The following CSE1L variants were observed in gnomAD, a reference collection of about 807,000 sequenced individuals.
The protein encoded by CSE1L is chromosome segregation 1 like.
In CSE1L, 24 loss-of-function variants were observed where a neutral mutation model predicts 120.4. The observed-to-expected ratio is 0.20, with a 90% CI of 0.14 to 0.28. The LOEUF is 0.28. Among genes scored for constraint, CSE1L ranks in the 10% least tolerant of loss-of-function variants. The probability of loss-of-function intolerance (pLI) is 1.00; values close to 1 mark genes in which losing one functional copy is unlikely to be tolerated. For synonymous variants in CSE1L, 402 were observed against 398.3 expected (o/e 1.01, Z -0.11); for missense variants, 830 against 1,145.2 (o/e 0.72, Z 3.97).
intron 2 of CSE1L, among the ~76,000 whole-genome samples, chr20:49,060,457 CAG>C (rs1262980025): frequency 7.0e-6 from 1 of 143,570 alleles, no homozygotes; most frequent in Admixed American, 7.2e-5. Flanking sequence ...AGCCTGGTGA[CAG>C]AGCAAGACTC....
At chr20:49,067,095 A>C (rs749656568) in intron 5 of CSE1L, 95 bp from the exon 6 acceptor site, 2 of 597,964 alleles carry the variant, frequency 3.3e-6, no homozygotes, top group Non-Finnish European at 5.9e-6. Context: ...AAACCCATCT[A>C]TTCATAGATG....
In CSE1L at chr20:49,072,307, T is replaced by C; in HGVS notation, c.790T>C (p.Leu264=). 4 of 1,614,156 alleles carry C rather than the reference T, an allele frequency of 2.5e-6. No individual in the cohort carries two copies. The highest frequency in any genetic ancestry group is 1.1e-5 in the South Asian group (1 of 91,080). ...QTDDEEEAGL[L]ELLKSQICDN... is the part of the protein sequence containing the mutation. ...TGAGGATGAAGAGGAAGCCGGCTTA[T>C]TGGAGCTCTTAAAATCCCAGATTTG... Residue 264 remains leucine, a synonymous_variant, in exon 9 of 25, where the codon TTG becomes CTG. Transcript: ENST00000262982.
At position 49,056,087 on chromosome 20, in the gene CSE1L, G is replaced by A. The variant is rs144541351; in HGVS notation, c.-11-2366G>A. On this transcript the variant is annotated intron_variant, in intron 1 of 24. Transcript: ENST00000262982. ...CTAAAAGCTGCCTAATGGAATCTAA[G>A]CATAAGTGGAGTTTTCTAAAATCGC... is the stretch of plus-strand genomic sequence containing the variant. 4.3e-3 allele frequency among the ~76,000 whole-genome samples: 647 copies of A among 151,016 alleles called. 2 individuals are homozygous for A. Among genetic ancestry groups the A allele is most frequent in the Non-Finnish European group, 7.0e-3 (476 of 67,848 alleles).
chr20:49,054,227 C>G (rs2123654042), intron 1 of CSE1L, among the ~76,000 whole-genome samples: 1 of 152,172 alleles, frequency 6.6e-6, no homozygotes, highest in East Asian at 1.9e-4. Flanking sequence ...CTGTGATAAA[C>G]ACATTTTCTA....
At position 49,096,351 on chromosome 20, in the gene CSE1L, T is replaced by A. The variant is rs553779502; in HGVS notation, c.2829T>A (p.Val943=). 117 of 1,613,388 alleles carry A rather than the reference T, an allele frequency of 7.3e-5. 3 individuals carry two copies. In the South Asian group the frequency reaches 1.2e-3, roughly 17 times the overall value. Residue 943 remains valine, a splice_region_variant and synonymous_variant, in exon 25 of 25, where the codon GTT becomes GTA. Transcript: ENST00000262982. ...TGTGTGTTTCCCATCTCTTGTAGGTTCCATCAATGGTGAGCACCAGCCTGA... is the reference window on the plus strand; with the variant it reads ...TGTGTGTTTCCCATCTCTTGTAGGTACCATCAATGGTGAGCACCAGCCTGA... ...HKLSTACPGR[V]PSMVSTSLNA... is the part of the protein sequence containing the mutation.
intron 1 of CSE1L, among the ~76,000 whole-genome samples, chr20:49,056,973 C>T (rs1339132541): frequency 6.6e-6 from 1 of 151,794 alleles, no homozygotes; most frequent in African/African-American, 2.4e-5. Context: ...ATCTCTTGAA[C>T]TGTGTATTTC....
intron 1 of CSE1L, among the ~76,000 whole-genome samples, chr20:49,056,621 C>T (rs1010755334): frequency 1.3e-5 from 2 of 152,064 alleles, no homozygotes; most frequent in East Asian, 3.9e-4. Context: ...TGATAAGATT[C>T]CCAGGATTTG....
chr20:49,063,025 A>T (rs2091863648), intron 2 of CSE1L, among the ~76,000 whole-genome samples, 177 bp from the exon 3 acceptor site: 1 of 151,878 alleles, frequency 6.6e-6, no homozygotes. Flanking sequence ...GAAGCATTAT[A>T]TAAGTTTAAT....
At chr20:49,076,333 A>G (rs979127795) in intron 12 of CSE1L, among the ~76,000 whole-genome samples, 3 of 149,946 alleles carry the variant, frequency 2.0e-5, no homozygotes, top group Admixed American at 2.0e-4. Context: ...GATTACAGGC[A>G]TGCGCCACCA....
intron 14 of CSE1L, among the ~76,000 whole-genome samples, chr20:49,083,754 C>T (rs531978753): frequency 1.7e-4 from 26 of 152,210 alleles, no homozygotes; most frequent in Non-Finnish European, 2.6e-4. Flanking sequence ...TAGTCTCCTT[C>T]TCTGTGATAT....
chr20:49,057,176 T>C (rs78006085), intron 1 of CSE1L, among the ~76,000 whole-genome samples: 1 of 152,154 alleles, frequency 6.6e-6, no homozygotes, highest in South Asian at 2.1e-4. Context: ...ATTTTTTTTT[T>C]AATTTGTCAT....
At chr20:49,068,856 A>G in intron 7 of CSE1L, 34 bp downstream of exon 7, 10 of 1,370,254 alleles carry the variant, frequency 7.3e-6, no homozygotes, top group Non-Finnish European at 1.0e-5. Flanking sequence ...TTTGGTTCTT[A>G]CTCTTTGATT....
intron 14 of CSE1L, among the ~76,000 whole-genome samples, chr20:49,079,882 C>T (rs1427768564): frequency 2.3e-4 from 35 of 152,158 alleles, no homozygotes; most frequent in South Asian, 4.1e-4. Context: ...GAGTTCAAGA[C>T]CACCTTGGCC....
intron 21 of CSE1L, 142 bp from the exon 22 acceptor site, chr20:49,091,904 T>G: frequency 1.6e-6 from 1 of 613,652 alleles, no homozygotes; most frequent in Non-Finnish European, 2.9e-6. Flanking sequence ...GAAAGACAAG[T>G]TTTCTATTTA....
intron 6 of CSE1L, among the ~76,000 whole-genome samples, chr20:49,068,370 C>T (rs1030672483): frequency 2.0e-5 from 3 of 152,044 alleles, no homozygotes; most frequent in East Asian, 3.9e-4. Context: ...GGGCGGATCA[C>T]GAGGTCAGGA....
intron 1 of CSE1L, among the ~76,000 whole-genome samples, chr20:49,055,951 C>T (rs1390307969): frequency 6.6e-6 from 1 of 151,758 alleles, no homozygotes; most frequent in Non-Finnish European, 1.5e-5. Flanking sequence ...TTACATTTTA[C>T]AAAAATTGTG....
chr20:49,053,760 G>A (rs1350234195), intron 1 of CSE1L, among the ~76,000 whole-genome samples: 1 of 152,162 alleles, frequency 6.6e-6, no homozygotes, highest in Non-Finnish European at 1.5e-5. Context: ...TTGAAAAGGA[G>A]TTCTATAGCC....
At chr20:49,053,741 T>C (rs777840779) in intron 1 of CSE1L, among the ~76,000 whole-genome samples, 5 of 152,134 alleles carry the variant, frequency 3.3e-5, no homozygotes, top group Non-Finnish European at 7.3e-5. Context: ...CTTTCCAAAG[T>C]GTGTTCTATT....
At chr20:49,053,517 C>T (rs1167427392) in intron 1 of CSE1L, among the ~76,000 whole-genome samples, 5 of 151,768 alleles carry the variant, frequency 3.3e-5, no homozygotes, top group Admixed American at 6.6e-5. Context: ...TGCTACCAGG[C>T]ATGGCTAATT....
Sources: gnomAD v4.1 joint callset for allele counts (sites outside exome capture counted in the v4.1 genomes callset) on GRCh38, gnomAD v4.1.1 for gene constraint, MANE v1.5 for transcripts, NCBI Gene and HGNC (gene_info 2026-07-23, HGNC 2026-07-21) for gene names.